Variants in SLC38A1 observed in about 807,000 individuals in gnomAD.
SLC38A1 encodes sodium-coupled neutral amino acid symporter 1.
A neutral mutation model predicts 60.3 loss-of-function variants in SLC38A1; 18 were observed. That is an observed-to-expected ratio of 0.30 (90% CI 0.21 to 0.44). The LOEUF (loss-of-function observed/expected upper bound fraction) is 0.44. Ranked by LOEUF, SLC38A1 falls within the 20% of genes least tolerant of loss-of-function variation. The pLI, the probability that SLC38A1 is intolerant of heterozygous loss-of-function variation, is 1.00. For missense variants in SLC38A1, 448 were observed against 587.2 expected (o/e 0.76, Z 2.45); for synonymous variants, 196 against 212.1 (o/e 0.92, Z 0.66).
In SLC38A1 at chr12:46,199,557, T is replaced by C. The variant is rs573809174; in HGVS notation, c.1004-814A>G. On this transcript the variant is annotated intron_variant, in intron 13 of 16. Transcript: ENST00000398637. ...TTTTTTTGTAGAGATGGGGGTCTCATTATGTTGCCCAGGCTGGTCTCGAAC... is the reference window on the plus strand; with the variant it reads ...TTTTTTTGTAGAGATGGGGGTCTCACTATGTTGCCCAGGCTGGTCTCGAAC... 6.6e-5 allele frequency among the ~76,000 whole-genome samples: 10 copies of C among 151,268 alleles called. No individual in the cohort carries two copies. In the East Asian group the frequency reaches 1.2e-3, roughly 18 times the overall value.
rs896431489 is a variant in SLC38A1 at position 46,210,533 on chromosome 12, T to C, written c.315-1406A>G. ...CCCTAAAATCCTTGAGTGAGGAGGC[T>C]GATTGATATGGTTTGGCTGTGTCCC... On this transcript the variant is annotated intron_variant, in intron 5 of 16. Coordinates refer to ENST00000398637, the MANE Select transcript of SLC38A1 (RefSeq NM_030674.4). 5.3e-5 allele frequency among the ~76,000 whole-genome samples: 8 copies of C among 152,218 alleles called. No individual in the cohort carries two copies. The East Asian group carries it at 1.5e-3, about 29-fold the overall frequency.
At chr12:46,225,625 T>G (rs1355663903) in intron 5 of SLC38A1, among the ~76,000 whole-genome samples, 4 of 152,198 alleles carry the variant, frequency 2.6e-5, no homozygotes, top group Non-Finnish European at 5.9e-5. Flanking sequence ...ATGACCCTGG[T>G]GGTTCCCAAG....
intron 5 of SLC38A1, among the ~76,000 whole-genome samples, chr12:46,226,839 T>G (rs1239174991): frequency 6.6e-6 from 1 of 152,104 alleles, no homozygotes; most frequent in African/African-American, 2.4e-5. Flanking sequence ...CTGGCCAGGC[T>G]GGTCTCAAAC....
rs185148300 is a variant in SLC38A1 at position 46,185,674 on chromosome 12, C to G, written c.*3296G>C. 1 of 152,088 alleles carries G rather than the reference C, an allele frequency of 6.6e-6. No individual in the cohort carries two copies. Among genetic ancestry groups the G allele is most frequent in the Non-Finnish European group, 1.5e-5 (1 of 68,070 alleles). The allele number at this position is 152,088 out of a possible 1,614,324, so 9.4% of individuals were successfully genotyped here. ...CCATAGGAGCCAAAAGTCAGACAAA[C>G]AGAAGAAGGCACACCAAGCCTGAAC... is the stretch of plus-strand genomic sequence containing the variant. On this transcript the variant is annotated 3_prime_UTR_variant, in exon 17 of 17. Transcript: ENST00000398637.
rs147145834 is a variant in SLC38A1, at chr12:46,247,305, G to A, written c.-208-3991C>T. Among the ~76,000 whole-genome samples, 921 of 152,264 alleles carry A rather than the reference G, an allele frequency of 6.0e-3. 10 individuals carry two copies. The highest frequency in any genetic ancestry group is 0.02 in the African/African-American group (836 of 41,548). ...ACCTTGAAAAAACATTAGATGAATGGCTAACTAAAATAAACAGTGTAGAGA... is the reference window on the plus strand; with the variant it reads ...ACCTTGAAAAAACATTAGATGAATGACTAACTAAAATAAACAGTGTAGAGA... On this transcript the variant is annotated intron_variant, in intron 1 of 16. Coordinates refer to ENST00000398637, the MANE Select transcript of SLC38A1 (RefSeq NM_030674.4).
intron 6 of SLC38A1, 126 bp from the exon 7 acceptor site, chr12:46,207,747 T>C (rs1421669128): frequency 2.4e-5 from 21 of 892,784 alleles, no homozygotes; most frequent in Non-Finnish European, 1.3e-5. Context: ...CTCACACAAA[T>C]AGTCATTTTG....
chr12:46,232,265 AAC>A (rs1229918417), intron 3 of SLC38A1, among the ~76,000 whole-genome samples: 1 of 152,224 alleles, frequency 6.6e-6, no homozygotes, highest in Non-Finnish European at 1.5e-5. Context: ...CATACCAGGT[AAC>A]ACCAGTATAG....
chr12:46,266,232 T>G (rs1444571598), intron 1 of SLC38A1, among the ~76,000 whole-genome samples: 1 of 152,180 alleles, frequency 6.6e-6, no homozygotes, highest in Non-Finnish European at 1.5e-5. Context: ...AATCGGTTTT[T>G]GTCCACAAGC....
At chr12:46,231,073 T>C (rs907568588) in intron 3 of SLC38A1, among the ~76,000 whole-genome samples, 10 of 152,026 alleles carry the variant, frequency 6.6e-5, no homozygotes, top group East Asian at 1.9e-4. Flanking sequence ...GATGACTAGA[T>C]AAAGAAAATG....
At chr12:46,236,755 A>G (rs1941273938) in intron 3 of SLC38A1, among the ~76,000 whole-genome samples, 1 of 152,186 alleles carries the variant, frequency 6.6e-6, no homozygotes, top group South Asian at 2.1e-4. Flanking sequence ...CTTTCTACTC[A>G]AAGTTTGGTT....
At chr12:46,213,599 C>G (rs1940275278) in intron 5 of SLC38A1, among the ~76,000 whole-genome samples, 1 of 152,202 alleles carries the variant, frequency 6.6e-6, no homozygotes. Flanking sequence ...TCCTTTATAT[C>G]TAGTTCATTG....
At chr12:46,205,807 A>G (rs1939870044) in intron 9 of SLC38A1, among the ~76,000 whole-genome samples, 2 of 152,176 alleles carry the variant, frequency 1.3e-5, no homozygotes, top group Non-Finnish European at 2.9e-5. Flanking sequence ...GTAGCATATA[A>G]GTTGTACTAC....
chr12:46,248,228 GAC>G (rs1941694070), intron 1 of SLC38A1, among the ~76,000 whole-genome samples: 1 of 152,096 alleles, frequency 6.6e-6, no homozygotes, highest in African/African-American at 2.4e-5. Context: ...CCAATTAAAA[GAC>G]ACAGACTGGC....
chr12:46,198,818 C>T, intron 13 of SLC38A1, 75 bp from the exon 14 acceptor site: 1 of 868,008 alleles, frequency 1.2e-6, no homozygotes, highest in East Asian at 2.5e-5. Flanking sequence ...TTCTGAAAAA[C>T]AAAGAATCTG....
At chr12:46,240,994 G>A (rs1941426196) in intron 2 of SLC38A1, among the ~76,000 whole-genome samples, 1 of 152,118 alleles carries the variant, frequency 6.6e-6, no homozygotes, top group African/African-American at 2.4e-5. Flanking sequence ...CTATGGCCAT[G>A]CCACCCTGAA....
intron 5 of SLC38A1, among the ~76,000 whole-genome samples, chr12:46,219,115 G>A (rs1449401174): frequency 6.6e-6 from 1 of 152,220 alleles, no homozygotes; most frequent in African/African-American, 2.4e-5. Context: ...TGGACCCCAG[G>A]CAAGAAGGGG....
intron 1 of SLC38A1, among the ~76,000 whole-genome samples, chr12:46,256,931 T>C (rs1335834016): frequency 1.3e-5 from 2 of 152,136 alleles, no homozygotes; most frequent in Admixed American, 6.5e-5. Flanking sequence ...AGTTTCAACA[T>C]GTGGTGTCTG....
intron 5 of SLC38A1, among the ~76,000 whole-genome samples, chr12:46,210,312 T>A (rs912840623): frequency 1.3e-5 from 2 of 152,104 alleles, no homozygotes; most frequent in African/African-American, 4.8e-5. Context: ...TACAGAATGG[T>A]CAACAGCAGA....
At chr12:46,244,972 C>T (rs1202467363) in intron 1 of SLC38A1, among the ~76,000 whole-genome samples, 1 of 152,130 alleles carries the variant, frequency 6.6e-6, no homozygotes, top group Non-Finnish European at 1.5e-5. Context: ...CTTCAATTAT[C>T]AATTCAGGCC....
Sources: allele counts gnomAD v4.1 joint callset (sites outside exome capture counted in the v4.1 genomes callset), GRCh38; gene constraint gnomAD v4.1.1; transcripts MANE v1.5; gene names NCBI Gene and HGNC (gene_info 2026-07-23, HGNC 2026-07-21).